Variants in NRG1 observed in about 807,000 individuals in gnomAD.
The protein encoded by NRG1 is neuregulin 1, also known as pro-neuregulin-1, membrane-bound isoform.
In NRG1, 18 loss-of-function variants were observed where a neutral mutation model predicts 63.8. The ratio of observed to expected loss-of-function variants is 0.28; its 90% confidence interval spans 0.19 to 0.42. The LOEUF is 0.42. Among genes scored for constraint, NRG1 ranks in the 10% least tolerant of loss-of-function variants. The pLI is 1.00. For missense variants in NRG1, 762 were observed against 814.7 expected (o/e 0.94, Z 0.79); for synonymous variants, 302 against 301.3 (o/e 1.00, Z -0.02).
chr8:32,666,331 G>A (rs932923333), intron 5 of NRG1, among the ~76,000 whole-genome samples: 10 of 152,080 alleles, frequency 6.6e-5, no homozygotes, highest in Non-Finnish European at 1.3e-4. Flanking sequence ...TGCCCTATGA[G>A]GCCCTCCTTG....
At chr8:32,387,372 G>T (rs62497658) in intron 1 of NRG1, among the ~76,000 whole-genome samples, 1 of 152,138 alleles carries the variant, frequency 6.6e-6, no homozygotes, top group Admixed American at 6.5e-5. Flanking sequence ...ATGATGATTA[G>T]GTTTCTAATG....
intron 5 of NRG1, among the ~76,000 whole-genome samples, chr8:32,672,238 G>T (rs1377148283): frequency 6.6e-6 from 1 of 152,094 alleles, no homozygotes; most frequent in East Asian, 1.9e-4. Flanking sequence ...TAGAGATGGG[G>T]TTTCACCATA....
At chr8:32,348,782 G>T (rs1211398224) in intron 1 of NRG1, among the ~76,000 whole-genome samples, 1 of 152,038 alleles carries the variant, frequency 6.6e-6, no homozygotes. Context: ...TGCATTCCAA[G>T]GTAAAAACAA....
chr8:32,548,681 G>A, exon 1 of NRG1: 1 of 1,547,880 alleles, frequency 6.5e-7, no homozygotes, highest in Middle Eastern at 1.7e-4. Context: ...GACCAAACTC[G>A]CCTGCGCCGA....
intron 1 of NRG1, among the ~76,000 whole-genome samples, chr8:32,076,929 A>G (rs1383364954): frequency 2.0e-5 from 3 of 152,202 alleles, no homozygotes; most frequent in African/African-American, 7.2e-5. Context: ...AAAAAGTCCT[A>G]AAGGGTACAA....
intron 1 of NRG1, among the ~76,000 whole-genome samples, chr8:32,217,213 C>CAAAAAAAAA (rs538507645): frequency 9.9e-6 from 1 of 101,168 alleles, no homozygotes; most frequent in Non-Finnish European, 1.9e-5. Flanking sequence ...GACCCTGTCT[C>CAAAAAAAAA]AAAAAAAAAA....
At position 32,117,306 on chromosome 8, in the gene NRG1, T is replaced by C. The variant is rs1461934783; in HGVS notation, c.37+477875T>C. ...AGATATTTGTTATTAATAAAAGACT[T>C]TGTGGTCAGCATGACGTGTTAGCTA... On this transcript the variant is annotated intron_variant, in intron 1 of 10. Coordinates refer to the NRG1 transcript ENST00000519301. Among the ~76,000 whole-genome samples, 7 of 152,296 alleles carry C rather than the reference T, an allele frequency of 4.6e-5. No homozygotes were observed. In the East Asian group the frequency reaches 1.2e-3, roughly 25 times the overall value.
At chr8:31,997,988 A>G (rs1473465330) in intron 1 of NRG1, among the ~76,000 whole-genome samples, 1 of 152,018 alleles carries the variant, frequency 6.6e-6, no homozygotes. Context: ...ATGCTTAATC[A>G]CCATCCTCTA....
At chr8:31,874,479 T>A (rs537620665) in intron 1 of NRG1, among the ~76,000 whole-genome samples, 1 of 152,316 alleles carries the variant, frequency 6.6e-6, no homozygotes, top group South Asian at 2.1e-4. Flanking sequence ...CAATTACTTT[T>A]GCATCAACCT....
rs140360258 is a variant in NRG1 at position 31,700,265 on chromosome 8, T to C, written c.37+60834T>C. ...CATATTTTAATTCCTGATCCTGAAGTGGAGGGGAATCCTGATGTTAGTGTC... is the reference window on the plus strand; with the variant it reads ...CATATTTTAATTCCTGATCCTGAAGCGGAGGGGAATCCTGATGTTAGTGTC... On this transcript the variant is annotated intron_variant, in intron 1 of 10. Transcript: ENST00000519301. 3.9e-4 allele frequency among the ~76,000 whole-genome samples: 59 copies of C among 152,238 alleles called. No homozygotes were observed. The Middle Eastern group carries it at 0.024, about 61-fold the overall frequency.
chr8:32,422,777 G>A (rs553048081), intron 1 of NRG1, among the ~76,000 whole-genome samples: 1 of 152,312 alleles, frequency 6.6e-6, no homozygotes, highest in Non-Finnish European at 1.5e-5. Flanking sequence ...AATGGTTTTT[G>A]AATTACATTC....
intron 1 of NRG1, among the ~76,000 whole-genome samples, chr8:31,939,003 G>A (rs1240722466): frequency 6.6e-6 from 1 of 152,176 alleles, no homozygotes; most frequent in East Asian, 1.9e-4. Flanking sequence ...GGGAATAATT[G>A]AGGAAGATAT....
intron 1 of NRG1, among the ~76,000 whole-genome samples, chr8:31,778,700 A>T (rs934884578): frequency 6.6e-6 from 1 of 152,226 alleles, no homozygotes; most frequent in East Asian, 1.9e-4. Context: ...CTTTGCACAC[A>T]TTAATCCATT....
At chr8:32,616,512 AG>A (rs1198417952) in intron 4 of NRG1, among the ~76,000 whole-genome samples, 1 of 152,174 alleles carries the variant, frequency 6.6e-6, no homozygotes, top group African/African-American at 2.4e-5. Context: ...ATCTGAAAGA[AG>A]GAATTTTCTT....
At position 32,426,052 on chromosome 8, in the gene NRG1, T is replaced by C. The variant is rs186081803; in HGVS notation, c.38-169776T>C. On this transcript the variant is annotated intron_variant, in intron 1 of 10. Transcript: ENST00000519301. ...ATAAAGGTGATTTCTCCAAGTGTTA[T>C]GCTAGGTGAGAAATATTTAATAAGT... Among the ~76,000 whole-genome samples, 922 of 152,278 alleles carry C rather than the reference T, an allele frequency of 6.1e-3. 11 individuals carry two copies. Among genetic ancestry groups the C allele is most frequent in the African/African-American group, 0.021 (890 of 41,548 alleles).
intron 5 of NRG1, among the ~76,000 whole-genome samples, chr8:32,642,033 A>G (rs1412354028): frequency 6.6e-6 from 1 of 152,216 alleles, no homozygotes; most frequent in Non-Finnish European, 1.5e-5. Flanking sequence ...GATCTGTGGT[A>G]GTTGAGTTTC....
At chr8:31,792,564 A>G (rs1965365) in intron 1 of NRG1, among the ~76,000 whole-genome samples, 116,139 of 152,224 alleles carry the variant, frequency 0.76, 44,616 homozygotes, top group East Asian at 0.96. Context: ...AAATTGTTTC[A>G]TTAATAGATT....
intron 1 of NRG1, among the ~76,000 whole-genome samples, chr8:32,510,112 T>TC (rs1334514277): frequency 7.3e-6 from 1 of 136,126 alleles, no homozygotes; most frequent in Non-Finnish European, 1.6e-5. Context: ...ATAATAATAA[T>TC]AATAATAATA....
At chr8:31,830,355 T>C (rs10100298) in intron 1 of NRG1, among the ~76,000 whole-genome samples, 43 of 89,318 alleles carry the variant, frequency 4.8e-4, no homozygotes, top group African/African-American at 2.0e-3. Context: ...CCTTCCTTCC[T>C]TCCTTCCCTC....
Sources: allele counts gnomAD v4.1 joint callset (sites outside exome capture counted in the v4.1 genomes callset), GRCh38; gene constraint gnomAD v4.1.1; transcripts MANE v1.5; gene names NCBI Gene and HGNC (gene_info 2026-07-23, HGNC 2026-07-21).